The following CHRDL1 variants were observed in gnomAD, a reference collection of about 807,000 sequenced individuals.
CHRDL1 encodes chordin like 1, also known as chordin-like protein 1.
Under a neutral mutation model 40.9 loss-of-function variants are expected in CHRDL1, and 19 were observed. That is an observed-to-expected ratio of 0.46 (90% confidence interval 0.32 to 0.68). The LOEUF is 0.68. Ranked by LOEUF, CHRDL1 falls within the 30% of genes least tolerant of loss-of-function variation. CHRDL1 has a pLI of 0.03. For missense variants in CHRDL1, 329 were observed against 352.1 expected, an observed-to-expected ratio of 0.93 and a Z score of 0.53; for synonymous variants, 136 against 123.4, an observed-to-expected ratio of 1.10 and a Z score of -0.68.
intron 4 of CHRDL1, among the ~76,000 whole-genome samples, chrX:110,739,317 C>T (rs2071320950): frequency 8.9e-6 from 1 of 112,071 alleles, no homozygotes; most frequent in African/African-American, 3.2e-5. Context: ...CTCCATCCTC[C>T]ACTCCTGGCA....
At chrX:110,703,795 C>T (rs1161809354) in intron 6 of CHRDL1, among the ~76,000 whole-genome samples, 2 of 112,003 alleles carry the variant, frequency 1.8e-5, no homozygotes, top group African/African-American at 6.5e-5. Flanking sequence ...CATAAACCGA[C>T]AGTGATAAGG....
chrX:110,759,596 G>A, intron 4 of CHRDL1, 65 bp downstream of exon 4: 5 of 780,732 alleles, frequency 6.4e-6, no homozygotes, highest in Non-Finnish European at 1.0e-5. Context: ...ATGGAGATGA[G>A]TTGAGTTGGG....
At chrX:110,687,925 G>A (rs1211937415) in intron 9 of CHRDL1, among the ~76,000 whole-genome samples, 1 of 111,713 alleles carries the variant, frequency 9.0e-6, no homozygotes, top group Non-Finnish European at 1.9e-5. Flanking sequence ...TAGAAAAAAC[G>A]ATGGGCTGGA....
rs569050009 is a variant in CHRDL1 at position 110,761,985 on chromosome X, C to T, written c.207+710G>A. Among the ~76,000 whole-genome samples, 22 of 112,576 alleles carry T rather than the reference C, an allele frequency of 2.0e-4. No individual in the cohort carries two copies. In the South Asian group the frequency reaches 7.7e-3, roughly 40 times the overall value. On this transcript the variant is annotated intron_variant, in intron 3 of 11. Transcript: ENST00000372042. ...ATTGGCTGAGACAACATAGAATCCACTCTCCCAATGAACCAGTTTATAATT... is the reference window on the plus strand; with the variant it reads ...ATTGGCTGAGACAACATAGAATCCATTCTCCCAATGAACCAGTTTATAATT...
At chrX:110,702,303 C>A (rs1220546673) in intron 6 of CHRDL1, among the ~76,000 whole-genome samples, 3 of 111,958 alleles carry the variant, frequency 2.7e-5, no homozygotes, top group African/African-American at 9.8e-5. Flanking sequence ...CACCCCATAG[C>A]TCCCCCATGC....
At chrX:110,680,897 C>T (rs769092470) in intron 10 of CHRDL1, among the ~76,000 whole-genome samples, 1 of 111,928 alleles carries the variant, frequency 8.9e-6, no homozygotes, top group Non-Finnish European at 1.9e-5. Flanking sequence ...TCCAGTAAGA[C>T]TATAACCTTC....
chrX:110,765,895 A>G (rs1177775347), intron 2 of CHRDL1, among the ~76,000 whole-genome samples: 1 of 111,842 alleles, frequency 8.9e-6, no homozygotes, highest in Non-Finnish European at 1.9e-5. Flanking sequence ...CAGAATACAC[A>G]TTCTATTCAA....
intron 2 of CHRDL1, among the ~76,000 whole-genome samples, chrX:110,775,079 T>G (rs2089830925): frequency 8.9e-6 from 1 of 111,793 alleles, no homozygotes; most frequent in Non-Finnish European, 1.9e-5. Context: ...GAAAAAACAT[T>G]CTTTTCAAAA....
intron 2 of CHRDL1, among the ~76,000 whole-genome samples, chrX:110,781,377 G>A (rs1319681649): frequency 1.8e-5 from 2 of 110,855 alleles, no homozygotes; most frequent in Admixed American, 9.6e-5. Context: ...ATGAGTCTGG[G>A]GCCACTAAAA....
intron 9 of CHRDL1, among the ~76,000 whole-genome samples, chrX:110,682,224 G>A (rs1462891994): frequency 8.9e-6 from 1 of 112,272 alleles, no homozygotes; most frequent in African/African-American, 3.2e-5. Context: ...TCTTTGATTT[G>A]TTTGTAAGGG....
At chrX:110,752,580 A>G (rs770041317) in intron 4 of CHRDL1, among the ~76,000 whole-genome samples, 1 of 111,240 alleles carries the variant, frequency 9.0e-6, no homozygotes, top group African/African-American at 3.3e-5. Flanking sequence ...ATAATAATAA[A>G]GCAAAATATC....
At chrX:110,788,226 G>C (rs1329822023) in intron 2 of CHRDL1, among the ~76,000 whole-genome samples, 1 of 112,107 alleles carries the variant, frequency 8.9e-6, no homozygotes, top group Non-Finnish European at 1.9e-5. Flanking sequence ...GGTTTCCTGA[G>C]CCTGTCTTCT....
At chrX:110,787,879 A>C (rs1277283228) in intron 2 of CHRDL1, among the ~76,000 whole-genome samples, 1 of 112,803 alleles carries the variant, frequency 8.9e-6, no homozygotes, top group African/African-American at 3.2e-5. Flanking sequence ...GTCTATTAGA[A>C]ATACATAATT....
chrX:110,731,787 A>G (rs2071166099), intron 4 of CHRDL1, among the ~76,000 whole-genome samples: 1 of 111,398 alleles, frequency 9.0e-6, no homozygotes, highest in African/African-American at 3.3e-5. Context: ...AAAGAAGAAC[A>G]CTGGATGCCA....
chrX:110,737,434 T>C (rs941306607), intron 4 of CHRDL1, among the ~76,000 whole-genome samples: 74 of 111,813 alleles, frequency 6.6e-4, no homozygotes, highest in African/African-American at 2.3e-3. Context: ...ACTCAAAGTG[T>C]GGTATGGGAA....
At chrX:110,735,925 A>C (rs1603207843) in intron 4 of CHRDL1, among the ~76,000 whole-genome samples, 1 of 112,755 alleles carries the variant, frequency 8.9e-6, no homozygotes, top group East Asian at 2.8e-4. Flanking sequence ...ATTAGGCATA[A>C]AGGAAGAAAA....
chrX:110,748,727 G>A (rs1217296245), intron 4 of CHRDL1, among the ~76,000 whole-genome samples: 2 of 112,253 alleles, frequency 1.8e-5, no homozygotes, highest in African/African-American at 6.5e-5. Flanking sequence ...AGCAAAAAAA[G>A]CCCATCACAA....
At chrX:110,786,609 G>T (rs1482985698) in intron 2 of CHRDL1, among the ~76,000 whole-genome samples, 1 of 112,044 alleles carries the variant, frequency 8.9e-6, no homozygotes, top group Non-Finnish European at 1.9e-5. Context: ...GCAAACAAGG[G>T]AAGACTGACC....
chrX:110,711,209 G>T (rs1436907655), intron 6 of CHRDL1, among the ~76,000 whole-genome samples: 3 of 112,020 alleles, frequency 2.7e-5, no homozygotes, highest in Non-Finnish European at 5.6e-5. Context: ...CCATGGATGT[G>T]CAACCAGTGA....
Sources: allele counts gnomAD v4.1 joint callset (sites outside exome capture counted in the v4.1 genomes callset), GRCh38; gene constraint gnomAD v4.1.1; transcripts MANE v1.5; gene names NCBI Gene and HGNC (gene_info 2026-07-23, HGNC 2026-07-21).